LY86: variants seen among roughly 807,000 people sequenced by gnomAD.
LY86 encodes the protein lymphocyte antigen 86.
Under a neutral mutation model 17.3 loss-of-function variants are expected in LY86, and 20 were observed. That is an observed-to-expected ratio of 1.15 (90% CI 0.81 to 1.68). The LOEUF (loss-of-function observed/expected upper bound fraction) is 1.68. LY86 is among the 40% of genes most tolerant of loss of function. The pLI is 0.00. For synonymous variants in LY86, 74 were observed against 70.6 expected, an observed-to-expected ratio of 1.05 and a Z score of -0.24; for missense variants, 200 against 191.9, an observed-to-expected ratio of 1.04 and a Z score of -0.25.
chr6:6,605,423 C>T (rs371648971), intron 1 of LY86, among the ~76,000 whole-genome samples: 2 of 152,206 alleles, frequency 1.3e-5, no homozygotes, highest in East Asian at 1.9e-4. Context: ...AACAGACCTC[C>T]AAAGATCCGC....
At chr6:6,625,089 T>G in intron 2 of LY86, 77 bp downstream of exon 2, 1 of 640,212 alleles carries the variant, frequency 1.6e-6, no homozygotes, top group Non-Finnish European at 2.7e-6. Context: ...ATGACTTATG[T>G]TAACTGTAAT....
At chr6:6,595,442 G>A (rs1036321101) in intron 1 of LY86, among the ~76,000 whole-genome samples, 18 of 147,236 alleles carry the variant, frequency 1.2e-4, no homozygotes, top group Admixed American at 3.4e-4. Flanking sequence ...GAGGAGGGGG[G>A]AGTGGAAAAA....
At chr6:6,606,064 G>C (rs368969905) in intron 1 of LY86, among the ~76,000 whole-genome samples, 2 of 152,144 alleles carry the variant, frequency 1.3e-5, no homozygotes, top group Admixed American at 6.5e-5. Flanking sequence ...CTGCTAGCGC[G>C]GGCAGCCTGC....
intron 3 of LY86, among the ~76,000 whole-genome samples, chr6:6,640,175 C>T (rs1762018185): frequency 6.6e-6 from 1 of 152,142 alleles, no homozygotes; most frequent in South Asian, 2.1e-4. Context: ...GTGCTGTGCC[C>T]ATTCTTGGCA....
chr6:6,654,567 A>C lies in LY86; in HGVS notation c.429A>C (p.Glu143Asp). Reference sequence around the variant, plus strand: ...AGGGAGAATACCAGGTTTTGCTGGAACTGTACACTGAAAAACGGTCCACCG... The same window carrying C: ...AGGGAGAATACCAGGTTTTGCTGGACCTGTACACTGAAAAACGGTCCACCG... ...IPQGEYQVLL[E>D]LYTEKRSTVA... Residue 143 changes from glutamate (E) to aspartate (D), a missense_variant, in exon 5 of 5, where the codon GAA becomes GAC. Transcript: ENST00000230568. The C allele has an allele frequency of 6.2e-7, 1 of 1,614,184 alleles. No homozygotes were observed. The highest frequency in any genetic ancestry group is 1.1e-5 in the South Asian group (1 of 91,078).
intron 1 of LY86, among the ~76,000 whole-genome samples, chr6:6,613,482 C>T (rs1358748002): frequency 6.6e-6 from 1 of 152,196 alleles, no homozygotes; most frequent in African/African-American, 2.4e-5. Flanking sequence ...ACAGCAGCTG[C>T]TGGCCCAGGT....
At chr6:6,590,564 T>C (rs1201179289) in intron 1 of LY86, among the ~76,000 whole-genome samples, 2 of 152,248 alleles carry the variant, frequency 1.3e-5, no homozygotes, top group South Asian at 2.1e-4. Flanking sequence ...TTTGAGGGGA[T>C]GCAATTCATC....
chr6:6,649,647 T>C lies in LY86; in HGVS notation c.375T>C (p.Pro125=). 6.3e-7 allele frequency: 1 copy of C among 1,575,036 alleles called. No homozygotes were observed. Among genetic ancestry groups the C allele is most frequent in the Non-Finnish European group, 8.7e-7 (1 of 1,149,212 alleles). Reference sequence around the variant, plus strand: ...CAGAGCAGATTTACTATGCTGGGCCTGTCAATAATCCTGAATTTACTATTC... The same window carrying C: ...CAGAGCAGATTTACTATGCTGGGCCCGTCAATAATCCTGAATTTACTATTC... The part of the protein sequence containing the change: ...RKGEQIYYAG[P]VNNPEFTIPQ... The change falls in exon 4 of 5, where the codon CCT becomes CCC. Residue 125 remains proline, a synonymous_variant. Coordinates refer to ENST00000230568, the MANE Select transcript of LY86 (RefSeq NM_004271.4).
chr6:6,594,121 G>T (rs1308216587), intron 1 of LY86, among the ~76,000 whole-genome samples: 1 of 152,240 alleles, frequency 6.6e-6, no homozygotes, highest in African/African-American at 2.4e-5. Flanking sequence ...CATCAACCAG[G>T]CAGAGGAGGA....
chr6:6,612,706 T>C (rs1460218690), intron 1 of LY86, among the ~76,000 whole-genome samples: 1 of 152,196 alleles, frequency 6.6e-6, no homozygotes, highest in Non-Finnish European at 1.5e-5. Flanking sequence ...TTGGTCGCGT[T>C]TACAATCCCT....
intron 3 of LY86, among the ~76,000 whole-genome samples, chr6:6,639,243 C>T (rs1423015322): frequency 6.6e-6 from 1 of 152,136 alleles, no homozygotes; most frequent in African/African-American, 2.4e-5. Context: ...AGCCCTAAAC[C>T]CAAGCACTTT....
intron 4 of LY86, among the ~76,000 whole-genome samples, chr6:6,654,133 C>T (rs920711186): frequency 4.6e-5 from 7 of 152,212 alleles, no homozygotes; most frequent in South Asian, 2.1e-4. Flanking sequence ...CCTTCTGCCC[C>T]TCTAAGGTGG....
intron 3 of LY86, among the ~76,000 whole-genome samples, chr6:6,630,162 T>C (rs1350589778): frequency 1.3e-5 from 2 of 152,276 alleles, no homozygotes; most frequent in Non-Finnish European, 2.9e-5. Flanking sequence ...TTTTAAGTGT[T>C]ACTTTATCAT....
At chr6:6,590,690 G>C (rs1393457981) in intron 1 of LY86, among the ~76,000 whole-genome samples, 1 of 152,182 alleles carries the variant, frequency 6.6e-6, no homozygotes, top group East Asian at 1.9e-4. Flanking sequence ...CCACTTTGGA[G>C]GGAGATGGGG....
chr6:6,630,718 G>T (rs966715637), intron 3 of LY86, among the ~76,000 whole-genome samples: 6 of 152,162 alleles, frequency 3.9e-5, no homozygotes, highest in Non-Finnish European at 7.3e-5. Context: ...CGTTACCCCA[G>T]TGGGTCTCCA....
chr6:6,609,076 G>A (rs1477715988), intron 1 of LY86, among the ~76,000 whole-genome samples: 1 of 152,150 alleles, frequency 6.6e-6, no homozygotes, highest in Non-Finnish European at 1.5e-5. Context: ...CAAGCCAACC[G>A]CAGCTCTGCT....
In LY86 at chr6:6,629,813, A is replaced by G. The variant is rs1427513934; in HGVS notation, c.352+3392A>G. On this transcript the variant is annotated intron_variant, in intron 3 of 4. Transcript: ENST00000230568. ...ATGATTACTTATGCTGTGATTGACA[A>G]TGTGGAGGAAATAGCGTATATGGCC... 6.6e-5 allele frequency among the ~76,000 whole-genome samples: 10 copies of G among 152,238 alleles called. No individual in the cohort carries two copies. In the East Asian group the frequency reaches 1.9e-3, roughly 29 times the overall value.
rs79008716 is a variant in LY86 at position 6,593,417 on chromosome 6, G to GATAAGA, written c.136+4547_136+4548insATAAGA. 1.2e-4 allele frequency among the ~76,000 whole-genome samples: 18 copies of GATAAGA among 152,082 alleles called. 1 individual carries two copies. In the East Asian group the frequency reaches 3.5e-3, roughly 29 times the overall value. On this transcript the variant is annotated intron_variant, in intron 1 of 4. Coordinates refer to ENST00000230568, the MANE Select transcript of LY86 (RefSeq NM_004271.4). ...ACATCTGCAAAGTCTCTTTTGCCAA[G>GATAAGA]TAAGATAAGATTCACATGTTCCAGG... is the stretch of plus-strand genomic sequence containing the variant.
chr6:6,646,959 A>G (rs773965278), intron 3 of LY86, among the ~76,000 whole-genome samples: 2 of 150,148 alleles, frequency 1.3e-5, no homozygotes, highest in Non-Finnish European at 3.0e-5. Context: ...ATCTTACTGT[A>G]TTTCTCAAGT....
Sources: allele counts gnomAD v4.1 joint callset (sites outside exome capture counted in the v4.1 genomes callset), GRCh38; gene constraint gnomAD v4.1.1; transcripts MANE v1.5; gene names NCBI Gene and HGNC (gene_info 2026-07-23, HGNC 2026-07-21).